The following CAST variants were observed in gnomAD, a reference collection of about 807,000 sequenced individuals.
CAST encodes calpastatin, also known as MIR583 host.
CAST carries 76 observed loss-of-function variants against 119.6 expected under a neutral mutation model. The ratio of observed to expected loss-of-function variants is 0.64; its 90% confidence interval spans 0.53 to 0.77. CAST has a LOEUF of 0.77. Among genes scored for constraint, CAST ranks in the 30% least tolerant of loss-of-function variants. The pLI is 0.00. For missense variants in CAST, 953 were observed against 946.5 expected (o/e 1.01, Z -0.09); for synonymous variants, 319 against 331.6 (o/e 0.96, Z 0.41).
At chr5:96,437,930 C>G in the CAST span, among the ~76,000 whole-genome samples, 2 of 152,160 alleles carry the variant, frequency 1.3e-5, no homozygotes, top group African/African-American at 4.8e-5. Context: ...AACCTTTCCT[C>G]ATTACTACCT....
At chr5:96,576,254 AT>A (rs1309341329) in intron 1 of CAST, among the ~76,000 whole-genome samples, 1 of 152,066 alleles carries the variant, frequency 6.6e-6, no homozygotes, top group African/African-American at 2.4e-5. Context: ...TCCTTCTTCT[AT>A]TTTCTGGAGG....
At chr5:96,209,434 T>G in the CAST span, among the ~76,000 whole-genome samples, 1 of 152,010 alleles carries the variant, frequency 6.6e-6, no homozygotes, top group East Asian at 1.9e-4. Context: ...AAATTAAGTG[T>G]GTTTTTTTAG....
At chr5:96,185,218 G>A in the CAST span, among the ~76,000 whole-genome samples, 1 of 150,140 alleles carries the variant, frequency 6.7e-6, no homozygotes, top group African/African-American at 2.4e-5. Context: ...TTGTAAATTT[G>A]TTTAAGTTCC....
chr5:96,004,161 G>A, the CAST span, among the ~76,000 whole-genome samples: 2 of 152,162 alleles, frequency 1.3e-5, no homozygotes, highest in African/African-American at 2.4e-5. Flanking sequence ...AGAACTTTAT[G>A]GGGCCTCTGT....
At chr5:96,036,549 G>A in the CAST span, among the ~76,000 whole-genome samples, 82 of 152,210 alleles carry the variant, frequency 5.4e-4, no homozygotes, top group African/African-American at 1.9e-3. Context: ...AGGAGTCTCT[G>A]TCTCTAGACT....
chr5:96,703,057 C>T (rs532598433), intron 3 of CAST: 10 of 490,364 alleles, frequency 2.0e-5, no homozygotes, highest in African/African-American at 1.7e-4. Flanking sequence ...GCTTTTCCTA[C>T]TATCGCGACC....
upstream of CAST, among the ~76,000 whole-genome samples, chr5:96,658,085 C>T (rs1004817057): frequency 1.3e-5 from 2 of 151,524 alleles, no homozygotes; most frequent in South Asian, 2.1e-4. Context: ...GACAACAGAG[C>T]GAGAGTCCAT....
chr5:96,455,455 C>T, the CAST span, among the ~76,000 whole-genome samples: 5 of 152,160 alleles, frequency 3.3e-5, no homozygotes, highest in African/African-American at 9.7e-5. Context: ...GATAATAAAC[C>T]TTGGCAACAT....
chr5:96,591,385 T>A (rs570261015), intron 1 of CAST, among the ~76,000 whole-genome samples: 1 of 152,238 alleles, frequency 6.6e-6, no homozygotes, highest in African/African-American at 2.4e-5. Context: ...TCTTTCTGTA[T>A]AAGGCTTGAT....
chr5:96,002,461 G>C, the CAST span, among the ~76,000 whole-genome samples: 3 of 152,162 alleles, frequency 2.0e-5, no homozygotes, highest in Non-Finnish European at 4.4e-5. Context: ...AGTCTTAGCT[G>C]GTCTTTGTAA....
chr5:96,442,547 A>T, the CAST span, among the ~76,000 whole-genome samples: 1 of 152,276 alleles, frequency 6.6e-6, no homozygotes, highest in Admixed American at 6.5e-5. Context: ...TTAAATGGAC[A>T]GTATCCCTGG....
intron 19 of CAST, among the ~76,000 whole-genome samples, chr5:96,750,366 AG>A (rs1764747895): frequency 6.6e-6 from 1 of 152,154 alleles, no homozygotes; most frequent in African/African-American, 2.4e-5. Context: ...CACGAGTTTC[AG>A]TAACCTGCCT....
At chr5:96,121,690 C>T in the CAST span, among the ~76,000 whole-genome samples, 1 of 152,028 alleles carries the variant, frequency 6.6e-6, no homozygotes, top group African/African-American at 2.4e-5. Context: ...TATTAGTTCT[C>T]TTAGAGGCAA....
chr5:96,177,188 T>G, the CAST span, among the ~76,000 whole-genome samples: 1 of 152,184 alleles, frequency 6.6e-6, no homozygotes. Flanking sequence ...TTTGCTGAAG[T>G]GCTAACAGAT....
chr5:96,636,931 T>C (rs1241857952), intron 1 of CAST, among the ~76,000 whole-genome samples: 1 of 133,052 alleles, frequency 7.5e-6, no homozygotes, highest in Non-Finnish European at 1.6e-5. Context: ...AGATGCGGTG[T>C]TGGGGGAGGT....
chr5:95,966,205 T>C, the CAST span, among the ~76,000 whole-genome samples: 1 of 152,134 alleles, frequency 6.6e-6, no homozygotes, highest in Non-Finnish European at 1.5e-5. Context: ...TTATGTTGTG[T>C]ATTTTTATGG....
At chr5:96,541,962 A>G (rs1745921560) in intron 1 of CAST, among the ~76,000 whole-genome samples, 1 of 152,196 alleles carries the variant, frequency 6.6e-6, no homozygotes, top group African/African-American at 2.4e-5. Flanking sequence ...CAGCTTTTAA[A>G]TTCAATTGGC....
chr5:96,451,115 CTGT>C, the CAST span, among the ~76,000 whole-genome samples: 1,335 of 152,184 alleles, frequency 8.8e-3, 23 homozygotes, highest in African/African-American at 0.031. Context: ...CCATTTGCTC[CTGT>C]GATATCTGTT....
the CAST span, among the ~76,000 whole-genome samples, chr5:96,482,282 G>C: frequency 6.6e-6 from 1 of 151,868 alleles, no homozygotes; most frequent in South Asian, 2.1e-4. Flanking sequence ...GGTTAGCACA[G>C]GTTAGTACAT....
Sources: allele counts gnomAD v4.1 joint callset (sites outside exome capture counted in the v4.1 genomes callset), GRCh38; gene constraint gnomAD v4.1.1; transcripts MANE v1.5; gene names NCBI Gene and HGNC (gene_info 2026-07-23, HGNC 2026-07-21).